ASTN2: variants seen among roughly 807,000 people sequenced by gnomAD.
ASTN2 encodes the protein astrotactin-2.
ASTN2 carries 54 observed loss-of-function variants against 139.8 expected under a neutral mutation model. The observed-to-expected ratio is 0.39, with a 90% CI of 0.31 to 0.48. The LOEUF (loss-of-function observed/expected upper bound fraction) is 0.48, where lower values mean the gene tolerates loss of function less well. Ranked by LOEUF, ASTN2 falls within the 20% of genes least tolerant of loss-of-function variation. ASTN2 has a pLI of 0.95. For synonymous variants in ASTN2, 756 were observed against 719.5 expected (o/e 1.05, Z -0.81); for missense variants, 1,565 against 1,725.1 (o/e 0.91, Z 1.64).
chr9:116,701,884 T>TG (rs1827825238), intron 16 of ASTN2, among the ~76,000 whole-genome samples: 1 of 151,592 alleles, frequency 6.6e-6, no homozygotes, highest in South Asian at 2.1e-4. Flanking sequence ...TTTTGGGTTT[T>TG]TTTTTTTTTT....
intron 19 of ASTN2, among the ~76,000 whole-genome samples, chr9:116,494,389 C>T (rs879432399): frequency 3.9e-5 from 6 of 152,148 alleles, no homozygotes; most frequent in Non-Finnish European, 8.8e-5. Context: ...TAGTGCCCCC[C>T]TCACCCCTGC....
chr9:116,812,707 A>G (rs953863995), intron 12 of ASTN2, among the ~76,000 whole-genome samples: 1 of 152,178 alleles, frequency 6.6e-6, no homozygotes, highest in African/African-American at 2.4e-5. Flanking sequence ...AAGTTGAGTG[A>G]CTTGCCCATG....
At chr9:116,941,107 C>T (rs1398677882) in intron 10 of ASTN2, among the ~76,000 whole-genome samples, 2 of 152,102 alleles carry the variant, frequency 1.3e-5, no homozygotes, top group Non-Finnish European at 2.9e-5. Context: ...ACCAAATTGC[C>T]AGACAATGCA....
chr9:116,429,189 A>T (rs1185298133), intron 22 of ASTN2, among the ~76,000 whole-genome samples: 1 of 152,030 alleles, frequency 6.6e-6, no homozygotes, highest in African/African-American at 2.4e-5. Context: ...AAATACAAAA[A>T]TTAGCCAGGC....
intron 3 of ASTN2, among the ~76,000 whole-genome samples, chr9:117,204,139 A>T (rs1831831251): frequency 6.6e-6 from 1 of 152,200 alleles, no homozygotes; most frequent in Admixed American, 6.5e-5. Flanking sequence ...GTGGCCGCCT[A>T]CTGCCATTGC....
chr9:116,489,088 C>G (rs987693294), intron 19 of ASTN2, among the ~76,000 whole-genome samples: 2 of 152,060 alleles, frequency 1.3e-5, no homozygotes, highest in Non-Finnish European at 2.9e-5. Context: ...ATGTACAGCC[C>G]CACTAATAAA....
At position 117,317,092 on chromosome 9, in the gene ASTN2, C is replaced by T. The variant is rs569748520; in HGVS notation, c.443-25579G>A. Among the ~76,000 whole-genome samples the T allele has an allele frequency of 2.6e-5, 4 of 152,208 alleles. No homozygotes were observed. In the East Asian group the frequency reaches 5.8e-4, roughly 22 times the overall value. On this transcript the variant is annotated intron_variant, in intron 1 of 22. Transcript: ENST00000313400. Reference sequence around the variant, plus strand: ...CTACTTTCCCTCCCCTATCTGCTGCCACTCTCCTCACTCTCTCTCTCTCTG... The same window carrying T: ...CTACTTTCCCTCCCCTATCTGCTGCTACTCTCCTCACTCTCTCTCTCTCTG...
chr9:116,686,400 T>A (rs1046111734), intron 16 of ASTN2, among the ~76,000 whole-genome samples: 1 of 152,208 alleles, frequency 6.6e-6, no homozygotes, highest in African/African-American at 2.4e-5. Context: ...TGTTTATTGT[T>A]TTATCATTGT....
At chr9:116,768,022 C>G (rs1829854672) in intron 13 of ASTN2, among the ~76,000 whole-genome samples, 1 of 152,074 alleles carries the variant, frequency 6.6e-6, no homozygotes, top group South Asian at 2.1e-4. Flanking sequence ...GAAAACAAAA[C>G]AAAACAAATC....
At chr9:116,885,873 TACTC>T (rs72348604) in intron 10 of ASTN2, among the ~76,000 whole-genome samples, 12,593 of 152,226 alleles carry the variant, frequency 0.083, 1,279 homozygotes, top group African/African-American at 0.24. Flanking sequence ...TCCATTCATT[TACTC>T]ACTCATTCAT....
At chr9:116,991,475 A>T (rs888456483) in intron 7 of ASTN2, among the ~76,000 whole-genome samples, 1 of 152,118 alleles carries the variant, frequency 6.6e-6, no homozygotes, top group African/African-American at 2.4e-5. Context: ...TCCCTGATTC[A>T]ATAATTCCCA....
In ASTN2 at chr9:116,575,375, G is replaced by C. The variant is rs190398354; in HGVS notation, c.3355+42949C>G. Among the ~76,000 whole-genome samples, 443 of 152,222 alleles carry C rather than the reference G, an allele frequency of 2.9e-3. 14 individuals are homozygous for C. The highest frequency in any genetic ancestry group is 0.027 in the Admixed American group (411 of 15,288). On this transcript the variant is annotated intron_variant, in intron 19 of 22. Transcript: ENST00000313400. ...AGGTAATATGGCACAGTCTTTCAGG[G>C]AATGCAACTGCTTTGGTGTGGATGA...
At chr9:117,386,680 G>A (rs1830408546) in intron 1 of ASTN2, among the ~76,000 whole-genome samples, 1 of 152,052 alleles carries the variant, frequency 6.6e-6, no homozygotes, top group Non-Finnish European at 1.5e-5. Context: ...CAAGGTCCCA[G>A]GTGAATGCCT....
At chr9:117,366,640 C>A (rs1393258638) in intron 1 of ASTN2, among the ~76,000 whole-genome samples, 1 of 152,112 alleles carries the variant, frequency 6.6e-6, no homozygotes, top group Non-Finnish European at 1.5e-5. Context: ...GATTAGACTC[C>A]TGAGCCATCT....
At chr9:116,920,544 A>G (rs759816811) in intron 10 of ASTN2, among the ~76,000 whole-genome samples, 1 of 152,200 alleles carries the variant, frequency 6.6e-6, no homozygotes, top group African/African-American at 2.4e-5. Flanking sequence ...TTGCCTTAAT[A>G]GTACAAAGAA....
chr9:116,435,470 C>T (rs1002173057), intron 22 of ASTN2, among the ~76,000 whole-genome samples: 2 of 152,208 alleles, frequency 1.3e-5, no homozygotes, highest in African/African-American at 4.8e-5. Flanking sequence ...CTGTCCTTTG[C>T]TAAACAACCC....
At chr9:116,740,479 G>A (rs1052764599) in intron 13 of ASTN2, among the ~76,000 whole-genome samples, 3 of 152,070 alleles carry the variant, frequency 2.0e-5, no homozygotes, top group Non-Finnish European at 4.4e-5. Context: ...GCTTCAATGC[G>A]TGAAGAGGAG....
chr9:117,375,517 C>T (rs960105166), intron 1 of ASTN2, among the ~76,000 whole-genome samples: 2 of 152,170 alleles, frequency 1.3e-5, no homozygotes, highest in Non-Finnish European at 2.9e-5. Flanking sequence ...TTTTGTTTAA[C>T]ACATGATCTT....
chr9:116,523,165 C>G (rs1380260685), intron 19 of ASTN2, among the ~76,000 whole-genome samples: 1 of 151,922 alleles, frequency 6.6e-6, no homozygotes, highest in African/African-American at 2.4e-5. Flanking sequence ...AGAGAGCATG[C>G]CTTTCTCATT....
Sources: allele counts gnomAD v4.1 joint callset (sites outside exome capture counted in the v4.1 genomes callset), GRCh38; gene constraint gnomAD v4.1.1; transcripts MANE v1.5; gene names NCBI Gene and HGNC (gene_info 2026-07-23, HGNC 2026-07-21).